Variants in SUMF1 observed in about 807,000 individuals in gnomAD.
The protein encoded by SUMF1 is sulfatase modifying factor 1, also known as formylglycine-generating enzyme.
A neutral mutation model predicts 47.6 loss-of-function variants in SUMF1; 48 were observed. The ratio of observed to expected loss-of-function variants is 1.01; its 90% CI spans 0.80 to 1.28. SUMF1 has a LOEUF of 1.28. Ranked by LOEUF, SUMF1 falls within the 50% of genes most tolerant of loss-of-function variation. The pLI, the probability that SUMF1 is intolerant of heterozygous loss-of-function variation, is 0.00. For synonymous variants in SUMF1, 230 were observed against 192.1 expected (o/e 1.20, Z -1.63); for missense variants, 571 against 485.4 (o/e 1.18, Z -1.66).
chr3:4,138,544 C>G (rs982395829), intron 8 of SUMF1, among the ~76,000 whole-genome samples: 2 of 152,000 alleles, frequency 1.3e-5, no homozygotes, highest in Non-Finnish European at 2.9e-5. Flanking sequence ...GTGATAAAGT[C>G]TTACTAAAAA....
At chr3:4,081,131 T>A (rs1171503855) in intron 8 of SUMF1, among the ~76,000 whole-genome samples, 1 of 152,084 alleles carries the variant, frequency 6.6e-6, no homozygotes, top group East Asian at 1.9e-4. Flanking sequence ...ATGTATTGCC[T>A]CCTATTTTAC....
chr3:4,206,986 A>G (rs1355901301), intron 8 of SUMF1, among the ~76,000 whole-genome samples: 2 of 152,146 alleles, frequency 1.3e-5, no homozygotes, highest in Non-Finnish European at 2.9e-5. Context: ...ATCCACAAAC[A>G]TAGTATATCT....
At chr3:4,305,528 G>T (rs1209768161) in intron 8 of SUMF1, among the ~76,000 whole-genome samples, 3 of 152,234 alleles carry the variant, frequency 2.0e-5, no homozygotes, top group Admixed American at 6.5e-5. Context: ...GAAAGAAAAA[G>T]AGGGGGAAAG....
chr3:4,387,712 G>A (rs1421405128), intron 7 of SUMF1, among the ~76,000 whole-genome samples: 2 of 151,916 alleles, frequency 1.3e-5, no homozygotes, highest in East Asian at 1.9e-4. Flanking sequence ...CACACATGCA[G>A]TTCTGCAAAT....
At position 4,150,423 on chromosome 3, in the gene SUMF1, G is replaced by A. The variant is rs1324448780; in HGVS notation, c.1015-81678C>T. On this transcript the variant is annotated intron_variant and NMD_transcript_variant, in intron 8 of 12. Coordinates refer to the SUMF1 transcript ENST00000448413. Reference sequence around the variant, plus strand: ...CTAAAACACAAAAAATTAGCCAGGTGTAGAGGCAGGTGCCTGTAGTCCCAG... The same window carrying A: ...CTAAAACACAAAAAATTAGCCAGGTATAGAGGCAGGTGCCTGTAGTCCCAG... Among the ~76,000 whole-genome samples, 3 of 151,576 alleles carry A rather than the reference G, an allele frequency of 2.0e-5. 1 individual carries two copies. Among genetic ancestry groups the A allele is most frequent in the East Asian group, 1.9e-4 (1 of 5,172 alleles).
intron 8 of SUMF1, among the ~76,000 whole-genome samples, chr3:4,075,094 C>G (rs1429566925): frequency 3.3e-5 from 5 of 152,096 alleles, no homozygotes; most frequent in Non-Finnish European, 5.9e-5. Context: ...TGAAAATCCT[C>G]AATAAAATAC....
At chr3:4,116,303 G>C (rs1693422750) in intron 8 of SUMF1, among the ~76,000 whole-genome samples, 1 of 152,108 alleles carries the variant, frequency 6.6e-6, no homozygotes, top group Non-Finnish European at 1.5e-5. Flanking sequence ...GTGTGTTCAA[G>C]AAACGCAAGT....
At chr3:4,200,175 T>A (rs1305984378) in intron 8 of SUMF1, among the ~76,000 whole-genome samples, 1 of 60,940 alleles carries the variant, frequency 1.6e-5, no homozygotes, top group Non-Finnish European at 3.4e-5. Flanking sequence ...AGCATCAAGA[T>A]TTTTTTTTTT....
At chr3:4,302,982 A>C (rs925396894) in intron 8 of SUMF1, among the ~76,000 whole-genome samples, 1 of 152,190 alleles carries the variant, frequency 6.6e-6, no homozygotes, top group East Asian at 1.9e-4. Context: ...CAAGCCGCAG[A>C]CCTTTAGAAA....
intron 8 of SUMF1, among the ~76,000 whole-genome samples, chr3:4,275,509 C>G (rs1015049582): frequency 1.3e-5 from 2 of 152,158 alleles, no homozygotes; most frequent in Non-Finnish European, 2.9e-5. Context: ...AACTCCCCAC[C>G]TCCATCCCAG....
intron 8 of SUMF1, among the ~76,000 whole-genome samples, chr3:4,211,197 TACATAC>T (rs1695781571): frequency 5.9e-5 from 4 of 68,086 alleles, no homozygotes; most frequent in African/African-American, 2.7e-4. Context: ...TACATATACA[TACATAC>T]ATATATATAT....
chr3:4,350,351 GTGTATAATTGTGTGTGTATAAT>G (rs1380845151), intron 8 of SUMF1, among the ~76,000 whole-genome samples: 1 of 60,546 alleles, frequency 1.7e-5, no homozygotes, highest in Non-Finnish European at 3.6e-5. Flanking sequence ...GTGTGTGTGT[GTGTATAATTGTGTGTGTATAAT>G]TGTGTGTGTA....
At chr3:4,228,554 T>C (rs73806951) in intron 8 of SUMF1, among the ~76,000 whole-genome samples, 6,383 of 152,222 alleles carry the variant, frequency 0.042, 417 homozygotes, top group African/African-American at 0.14. Context: ...CTCACCTTTA[T>C]GCGGCTCTGC....
intron 8 of SUMF1, among the ~76,000 whole-genome samples, chr3:4,299,471 T>C (rs575425082): frequency 6.6e-6 from 1 of 152,356 alleles, no homozygotes; most frequent in Admixed American, 6.5e-5. Context: ...ATGTTTCAAG[T>C]ACCATATTAT....
intron 8 of SUMF1, among the ~76,000 whole-genome samples, chr3:4,071,823 TC>T (rs1200733045): frequency 6.6e-6 from 1 of 152,088 alleles, no homozygotes; most frequent in Non-Finnish European, 1.5e-5. Flanking sequence ...ACCCCTCATC[TC>T]CCTGGGACAG....
chr3:4,324,801 T>C (rs1698908252), intron 8 of SUMF1, among the ~76,000 whole-genome samples: 1 of 152,192 alleles, frequency 6.6e-6, no homozygotes, highest in South Asian at 2.1e-4. Context: ...ACTTTGCCTT[T>C]GGCATAGTGA....
chr3:4,226,271 T>C (rs1696172432), intron 8 of SUMF1, among the ~76,000 whole-genome samples: 1 of 138,688 alleles, frequency 7.2e-6, no homozygotes, highest in African/African-American at 2.7e-5. Context: ...TTTCTTTTTT[T>C]TTTTTTTTTT....
intron 8 of SUMF1, among the ~76,000 whole-genome samples, chr3:4,089,562 C>T (rs1692741008): frequency 6.6e-6 from 1 of 152,060 alleles, no homozygotes; most frequent in South Asian, 2.1e-4. Flanking sequence ...TATCATATAC[C>T]TGGAACTCCA....
intron 3 of SUMF1, among the ~76,000 whole-genome samples, chr3:4,434,207 A>G (rs539513491): frequency 8.0e-4 from 122 of 152,388 alleles, no homozygotes; most frequent in African/African-American, 2.9e-3. Flanking sequence ...TGATGGTTGT[A>G]TAACACTGTT....
Sources: gnomAD v4.1 joint callset for allele counts (sites outside exome capture counted in the v4.1 genomes callset) on GRCh38, gnomAD v4.1.1 for gene constraint, MANE v1.5 for transcripts, NCBI Gene and HGNC (gene_info 2026-07-23, HGNC 2026-07-21) for gene names.